Variants in KCNQ1OT1 observed in about 807,000 individuals in gnomAD.
KCNQ1OT1 encodes KCNQ1 antisense RNA 2 (non-protein coding).
At chr11:2,648,668 T>C (rs1259448527) in exon 1 of KCNQ1OT1, 6 of 398,560 alleles carry the variant, frequency 1.5e-5, no homozygotes, top group South Asian at 2.5e-4. Context: ...TAAAAATTTA[T>C]TGAGACCCGT....
exon 1 of KCNQ1OT1, chr11:2,636,757 A>G (rs979142330): frequency 1.3e-5 from 2 of 152,300 alleles, no homozygotes; most frequent in African/African-American, 4.8e-5. Flanking sequence ...TTCAGAAGGC[A>G]TAGTACCAGC....
In KCNQ1OT1 at chr11:2,695,904, C is replaced by A. The variant is rs2133897652; in HGVS notation, n.4091G>T. The A allele has an allele frequency of 2.5e-6, 1 of 398,648 alleles. No homozygotes were observed. The highest frequency in any genetic ancestry group is 4.4e-6 in the Non-Finnish European group (1 of 226,056). The allele number at this position is 398,648 out of a possible 1,614,324, so 24.7% of individuals were successfully genotyped here. Reference sequence around the variant, plus strand: ...AAACTGGCAATCTTCCTACCTTTTTCTTAATGATTTGTGGTGCTTTCTGGT... The same window carrying A: ...AAACTGGCAATCTTCCTACCTTTTTATTAATGATTTGTGGTGCTTTCTGGT... On this transcript the variant is annotated non_coding_transcript_exon_variant, in exon 1 of 1. Transcript: ENST00000597346. The surrounding 1 kb of genome is among the most constrained non-coding windows in gnomAD (Gnocchi z 5.2).
chr11:2,628,643 G>A, exon 1 of KCNQ1OT1: 1 of 398,304 alleles, frequency 2.5e-6, no homozygotes, highest in Non-Finnish European at 4.4e-6. Flanking sequence ...TTTGTTTGAT[G>A]TAGTTCTAAT....
At chr11:2,636,428 A>G (rs1328076830) in exon 1 of KCNQ1OT1, 1 of 152,176 alleles carries the variant, frequency 6.6e-6, no homozygotes, top group African/African-American at 2.4e-5. Flanking sequence ...CCTTTTCTGC[A>G]TCTATTGAGA....
chr11:2,616,645 A>G (rs536558779), exon 1 of KCNQ1OT1: 17 of 398,268 alleles, frequency 4.3e-5, no homozygotes, highest in African/African-American at 3.5e-4. Context: ...TCTTTGACAC[A>G]ATAATTTTTA....
exon 1 of KCNQ1OT1, chr11:2,693,423 T>C (rs1017072184): frequency 2.5e-6 from 1 of 398,530 alleles, no homozygotes; most frequent in Non-Finnish European, 4.4e-6. Context: ...ATAAGCTTGT[T>C]TTGCCAGGCG....
chr11:2,616,982 A>G, exon 1 of KCNQ1OT1: 1 of 397,830 alleles, frequency 2.5e-6, no homozygotes, highest in East Asian at 3.6e-5. Context: ...TTTTAATTTT[A>G]AAAATATGCA....
chr11:2,687,525 T>G lies in KCNQ1OT1; in HGVS notation n.12470A>C, dbSNP rs1850511545. ...GGACTTGAGACCAGCCTCCTCTGTATGGTCCCTTCCCTGGTGCACCTACCA... is the reference window on the plus strand; with the variant it reads ...GGACTTGAGACCAGCCTCCTCTGTAGGGTCCCTTCCCTGGTGCACCTACCA... On this transcript the variant is annotated non_coding_transcript_exon_variant, in exon 1 of 1. Transcript: ENST00000597346. The surrounding 1 kb of genome is among the most constrained non-coding windows in gnomAD (Gnocchi z 5.0). 5.0e-6 allele frequency: 2 copies of G among 398,596 alleles called. No homozygotes were observed. Among genetic ancestry groups the G allele is most frequent in the African/African-American group, 4.1e-5 (2 of 48,638 alleles). The allele number at this position is 398,596 out of a possible 1,614,324, so 24.7% of individuals were successfully genotyped here.
In KCNQ1OT1 at chr11:2,682,405, T is replaced by G. The variant is rs1850413536; in HGVS notation, n.17590A>C. On this transcript the variant is annotated non_coding_transcript_exon_variant, in exon 1 of 1. Coordinates refer to ENST00000597346, the Ensembl canonical transcript of KCNQ1OT1. This position sits in a 1 kb window ranked among gnomAD's most constrained non-coding sequence, Gnocchi z 5.8. ...AGCATGAGGGTATAGGCTGGCTGTT[T>G]CTATTCAGTGTTTTATCTTCAGTGC... 2.5e-6 allele frequency: 1 copy of G among 398,694 alleles called. No homozygotes were observed. Among genetic ancestry groups the G allele is most frequent in the Non-Finnish European group, 4.4e-6 (1 of 226,086 alleles). The allele number at this position is 398,694 out of a possible 1,614,324, so 24.7% of individuals were successfully genotyped here.
chr11:2,624,024 A>T lies in KCNQ1OT1; in HGVS notation n.75971T>A, dbSNP rs1393996006. The T allele has an allele frequency of 5.0e-6, 2 of 399,142 alleles. No individual in the cohort carries two copies. Among genetic ancestry groups the T allele is most frequent in the Non-Finnish European group, 8.8e-6 (2 of 226,550 alleles). The allele number at this position is 399,142 out of a possible 1,614,324, so 24.7% of individuals were successfully genotyped here. A position where few individuals can be genotyped will look rare whatever the true frequency, so the allele number is the denominator to read the frequency against. Reference sequence around the variant, plus strand: ...TGTCAAAGTGGCTGTACCATTTTGCATTCCCACCAGCAATGGATGAGTGTT... The same window carrying T: ...TGTCAAAGTGGCTGTACCATTTTGCTTTCCCACCAGCAATGGATGAGTGTT... On this transcript the variant is annotated non_coding_transcript_exon_variant, in exon 1 of 1. Transcript: ENST00000597346. The surrounding 1 kb of genome is among the most constrained non-coding windows in gnomAD (Gnocchi z 4.9).
At chr11:2,628,367 T>G in exon 1 of KCNQ1OT1, 1 of 398,554 alleles carries the variant, frequency 2.5e-6, no homozygotes. Context: ...TGGTTTTCAT[T>G]TGCATTTCCC....
In KCNQ1OT1 at chr11:2,664,747, G is replaced by C. The variant is rs898697504; in HGVS notation, n.35248C>G. On this transcript the variant is annotated non_coding_transcript_exon_variant, in exon 1 of 1. Transcript: ENST00000597346. The surrounding 1 kb of genome is among the most constrained non-coding windows in gnomAD (Gnocchi z 5.1). ...TGGTGTGTGTGAGGGACAGGGATGTGTGCTGGGGTCTCACAGGGGGCAGAG... is the reference window on the plus strand; with the variant it reads ...TGGTGTGTGTGAGGGACAGGGATGTCTGCTGGGGTCTCACAGGGGGCAGAG... 2.5e-6 allele frequency: 1 copy of C among 398,670 alleles called. No individual in the cohort carries two copies. Among genetic ancestry groups the C allele is most frequent in the Admixed American group, 4.4e-5 (1 of 22,724 alleles). 24.7% of individuals were successfully genotyped at this position (398,670 alleles called of 1,614,324 possible).
At chr11:2,610,553 G>A in exon 1 of KCNQ1OT1, 1 of 398,222 alleles carries the variant, frequency 2.5e-6, no homozygotes, top group Non-Finnish European at 4.4e-6. Context: ...TTGGATATAT[G>A]TGAACTTCCT....
Position 2,613,146 on chromosome 11 carries a change from T to A in KCNQ1OT1, n.86849A>T, listed in dbSNP as rs971156600. The A allele has an allele frequency of 2.5e-6, 1 of 398,486 alleles. No individual in the cohort carries two copies. The highest frequency in any genetic ancestry group is 4.4e-6 in the Non-Finnish European group (1 of 226,092). 24.7% of individuals were successfully genotyped at this position (398,486 alleles called of 1,614,324 possible). ...AATCTTCCACCCTCTGCTGAGGGGA[T>A]CTATGTGTGGGTTGGGACATTCAAA... On this transcript the variant is annotated non_coding_transcript_exon_variant, in exon 1 of 1. Coordinates refer to ENST00000597346, the Ensembl canonical transcript of KCNQ1OT1. This position sits in a 1 kb window ranked among gnomAD's most constrained non-coding sequence, Gnocchi z 4.8.
In KCNQ1OT1 at chr11:2,661,461, T is replaced by C; in HGVS notation, n.38534A>G. 2.3e-6 allele frequency: 1 copy of C among 434,900 alleles called. No individual in the cohort carries two copies. The highest frequency in any genetic ancestry group is 3.3e-5 in the East Asian group (1 of 30,220). The allele number at this position is 434,900 out of a possible 1,614,324, so 26.9% of individuals were successfully genotyped here. ...GTAGCATCGTGTTTTGAGGAAGGAGTTCTGTGGCTGCCCCCACCTCCCAGG... is the reference window on the plus strand; with the variant it reads ...GTAGCATCGTGTTTTGAGGAAGGAGCTCTGTGGCTGCCCCCACCTCCCAGG... On this transcript the variant is annotated non_coding_transcript_exon_variant, in exon 1 of 1. Transcript: ENST00000597346. This position sits in a 1 kb window ranked among gnomAD's most constrained non-coding sequence, Gnocchi z 5.9.
exon 1 of KCNQ1OT1, chr11:2,660,249 A>G (rs1361866919): frequency 2.5e-6 from 1 of 398,170 alleles, no homozygotes; most frequent in Non-Finnish European, 4.4e-6. Context: ...ATTGTTGATC[A>G]TCTGTCCTAT....
In KCNQ1OT1 at chr11:2,652,422, T is replaced by C. The variant is rs942032691; in HGVS notation, n.47573A>G. On this transcript the variant is annotated non_coding_transcript_exon_variant, in exon 1 of 1. Coordinates refer to ENST00000597346, the Ensembl canonical transcript of KCNQ1OT1. This position sits in a 1 kb window ranked among gnomAD's most constrained non-coding sequence, Gnocchi z 5.9. ...TTTTTCTTCCTGTGTAATTTTGTCT[T>C]GAAAATCAAGGCCACTTTTTTGTTT... 3 of 398,530 alleles carry C rather than the reference T, an allele frequency of 7.5e-6. No homozygotes were observed. Among genetic ancestry groups the C allele is most frequent in the African/African-American group, 6.2e-5 (3 of 48,630 alleles). The allele number at this position is 398,530 out of a possible 1,614,324, so 24.7% of individuals were successfully genotyped here.
rs1845399562 is a variant in KCNQ1OT1 at position 2,668,064 on chromosome 11, G to A, written n.31931C>T. On this transcript the variant is annotated non_coding_transcript_exon_variant, in exon 1 of 1. Coordinates refer to ENST00000597346, the Ensembl canonical transcript of KCNQ1OT1. The surrounding 1 kb of genome is among the most constrained non-coding windows in gnomAD (Gnocchi z 4.3). ...GCCCACATTTGAACTTTATGCGGTGGGAATGATGCAACTCATACACCTTTG... is the reference window on the plus strand; with the variant it reads ...GCCCACATTTGAACTTTATGCGGTGAGAATGATGCAACTCATACACCTTTG... 2.5e-6 allele frequency: 1 copy of A among 398,568 alleles called. No homozygotes were observed. Among genetic ancestry groups the A allele is most frequent in the Non-Finnish European group, 4.4e-6 (1 of 226,060 alleles). 24.7% of individuals were successfully genotyped at this position (398,568 alleles called of 1,614,324 possible). A position where few individuals can be genotyped will look rare whatever the true frequency, so the allele number is the denominator to read the frequency against.
chr11:2,645,599 C>T lies in KCNQ1OT1; in HGVS notation n.54396G>A. ...CAGTTGGGCAATGCATGCTTCGGCC[C>T]CAGGTGGTGACTATGGGCAGGGTCA... is the stretch of plus-strand genomic sequence containing the variant. On this transcript the variant is annotated non_coding_transcript_exon_variant, in exon 1 of 1. Coordinates refer to ENST00000597346, the Ensembl canonical transcript of KCNQ1OT1. This position sits in a 1 kb window ranked among gnomAD's most constrained non-coding sequence, Gnocchi z 5.8. 2.5e-6 allele frequency: 1 copy of T among 398,710 alleles called. No individual in the cohort carries two copies. The highest frequency in any genetic ancestry group is 4.4e-5 in the Admixed American group (1 of 22,732). 24.7% of individuals were successfully genotyped at this position (398,710 alleles called of 1,614,324 possible).
Sources: gnomAD v4.1 joint callset for allele counts on GRCh38, gnomAD v4.1.1 for gene constraint, Gnocchi (gnomAD v3.1) non-coding constraint, MANE v1.5 for transcripts, NCBI Gene and HGNC (gene_info 2026-07-23, HGNC 2026-07-21) for gene names.